Variants in ANO3 observed in about 807,000 individuals in gnomAD.
ANO3 encodes the protein anoctamin 3, also known as anoctamin-3.
ANO3 carries 99 observed loss-of-function variants against 144.8 expected under a neutral mutation model. The observed-to-expected ratio is 0.68, with a 90% CI of 0.58 to 0.81. ANO3 has a LOEUF of 0.81. Among genes scored for constraint, ANO3 ranks in the 30% least tolerant of loss-of-function variants. The pLI, the probability that ANO3 is intolerant of heterozygous loss-of-function variation, is 0.00. For synonymous variants in ANO3, 414 were observed against 392.6 expected, an observed-to-expected ratio of 1.05 and a Z score of -0.64; for missense variants, 905 against 1,202.2, an observed-to-expected ratio of 0.75 and a Z score of 3.66.
chr11:26,537,956 C>T (rs1849552447), intron 10 of ANO3, among the ~76,000 whole-genome samples: 1 of 152,170 alleles, frequency 6.6e-6, no homozygotes, highest in Non-Finnish European at 1.5e-5. Flanking sequence ...GATATTTGAG[C>T]CAACTTTTAT....
chr11:26,538,137 T>C (rs1446435128), intron 10 of ANO3, among the ~76,000 whole-genome samples: 1 of 152,166 alleles, frequency 6.6e-6, no homozygotes, highest in African/African-American at 2.4e-5. Context: ...GTACGACCAA[T>C]AGTAGATAAA....
At chr11:26,298,657 T>A (rs1012506117) in intron 1 of ANO3, among the ~76,000 whole-genome samples, 3 of 152,194 alleles carry the variant, frequency 2.0e-5, no homozygotes, top group Non-Finnish European at 4.4e-5. Context: ...TCATGTCTAC[T>A]CGTTTCCAAA....
intron 1 of ANO3, among the ~76,000 whole-genome samples, chr11:26,212,803 C>T (rs1051658175): frequency 2.0e-5 from 3 of 151,958 alleles, no homozygotes; most frequent in East Asian, 1.9e-4. Flanking sequence ...ATCCTAATGC[C>T]AAAAGCTGGC....
intron 14 of ANO3, chr11:26,565,501 C>T (rs1045807927): frequency 5.6e-6 from 9 of 1,613,258 alleles, no homozygotes; most frequent in South Asian, 4.4e-5. Context: ...TTCCAAGGCA[C>T]TTTAGAAACA....
intron 9 of ANO3, 61 bp downstream of exon 9, chr11:26,534,623 T>A: frequency 8.2e-7 from 1 of 1,225,670 alleles, no homozygotes; most frequent in Non-Finnish European, 1.2e-6. Context: ...CCAGAATTAT[T>A]GTTTTTTTTA....
At chr11:26,499,463 T>C (rs985819921) in intron 4 of ANO3, among the ~76,000 whole-genome samples, 1 of 151,630 alleles carries the variant, frequency 6.6e-6, no homozygotes, top group African/African-American at 2.4e-5. Flanking sequence ...CCTTTCATTT[T>C]GTTTTCTTAT....
At chr11:26,414,485 C>G (rs1217781750) in intron 1 of ANO3, among the ~76,000 whole-genome samples, 1 of 151,856 alleles carries the variant, frequency 6.6e-6, no homozygotes, top group Non-Finnish European at 1.5e-5. Context: ...CAGACAATCA[C>G]AGGAACAGAA....
At chr11:26,370,185 T>C (rs1856208728) in intron 1 of ANO3, among the ~76,000 whole-genome samples, 2 of 152,192 alleles carry the variant, frequency 1.3e-5, no homozygotes, top group South Asian at 4.1e-4. Context: ...AATGGAATCA[T>C]GGGTGTGGTT....
intron 23 of ANO3, among the ~76,000 whole-genome samples, chr11:26,644,014 C>A (rs1225796880): frequency 3.9e-5 from 6 of 152,136 alleles, no homozygotes; most frequent in Non-Finnish European, 5.9e-5. Context: ...TCCAAAACAG[C>A]AAGGAACTTC....
At chr11:26,537,330 C>A in intron 9 of ANO3, 76 bp from the exon 10 acceptor site, 1 of 1,141,228 alleles carries the variant, frequency 8.8e-7, no homozygotes, top group Non-Finnish European at 1.3e-6. Context: ...TCATTGTTCC[C>A]CGTATATTTC....
intron 4 of ANO3, among the ~76,000 whole-genome samples, chr11:26,478,190 CT>C (rs1387361992): frequency 6.6e-6 from 1 of 152,090 alleles, no homozygotes; most frequent in Non-Finnish European, 1.5e-5. Flanking sequence ...GCCAGCAGAT[CT>C]ATTCTATATG....
chr11:26,361,811 T>C (rs1855935606), intron 1 of ANO3, among the ~76,000 whole-genome samples: 2 of 152,192 alleles, frequency 1.3e-5, no homozygotes, highest in Admixed American at 6.5e-5. Context: ...CCTTCACTCT[T>C]TACAATTAAT....
Position 26,212,352 on chromosome 11 carries a change from GT to G in ANO3, c.154+23031del, listed in dbSNP as rs534460635. On this transcript the variant is annotated intron_variant, in intron 1 of 27. Transcript: ENST00000672621. ...CAAAAAATCAACGAATCCAGGAGCTGTTTTTTTTTCAAAGATTAACAAAACA... is the reference window on the plus strand; with the variant it reads ...CAAAAAATCAACGAATCCAGGAGCTGTTTTTTTTCAAAGATTAACAAAACA... Among the ~76,000 whole-genome samples, 393 of 148,520 alleles carry G rather than the reference GT, an allele frequency of 2.6e-3. 2 individuals are homozygous for G. Among genetic ancestry groups the G allele is most frequent in the African/African-American group, 9.3e-3 (374 of 40,394 alleles).
intron 14 of ANO3, among the ~76,000 whole-genome samples, chr11:26,596,952 A>C (rs541453287): frequency 7.9e-4 from 120 of 152,322 alleles, no homozygotes; most frequent in Admixed American, 1.6e-3. Flanking sequence ...CTCCCAACAC[A>C]GAAGGGTTGG....
chr11:26,453,861 A>G (rs1859044446), intron 3 of ANO3, among the ~76,000 whole-genome samples: 1 of 152,216 alleles, frequency 6.6e-6, no homozygotes, highest in African/African-American at 2.4e-5. Context: ...ATAAAAGAAC[A>G]GAAATTATAA....
At chr11:26,638,439 T>G (rs2133051451) in intron 20 of ANO3, among the ~76,000 whole-genome samples, 1 of 152,278 alleles carries the variant, frequency 6.6e-6, no homozygotes, top group Admixed American at 6.5e-5. Context: ...TTCCACAGGG[T>G]ACACATCCGG....
intron 4 of ANO3, among the ~76,000 whole-genome samples, chr11:26,466,712 C>T (rs1859615063): frequency 6.6e-6 from 1 of 151,942 alleles, no homozygotes. Context: ...ACCAGAAGAG[C>T]TACCCCGCTG....
chr11:26,594,342 C>T (rs1314106850), intron 14 of ANO3, among the ~76,000 whole-genome samples: 1 of 152,190 alleles, frequency 6.6e-6, no homozygotes, highest in Non-Finnish European at 1.5e-5. Flanking sequence ...CGCCAGAGAT[C>T]ACCAAACTCT....
At chr11:26,636,073 G>C (rs186236818) in intron 20 of ANO3, among the ~76,000 whole-genome samples, 1 of 152,242 alleles carries the variant, frequency 6.6e-6, no homozygotes, top group Admixed American at 6.5e-5. Flanking sequence ...GGTGGCACAT[G>C]CTTCTAGTCC....
Sources: allele counts gnomAD v4.1 joint callset (sites outside exome capture counted in the v4.1 genomes callset), GRCh38; gene constraint gnomAD v4.1.1; transcripts MANE v1.5; gene names NCBI Gene and HGNC (gene_info 2026-07-23, HGNC 2026-07-21).